Variants in PTPRT observed in about 807,000 individuals in gnomAD.
PTPRT encodes protein tyrosine phosphatase receptor type T.
PTPRT carries 56 observed loss-of-function variants against 176.8 expected under a neutral mutation model. That is an observed-to-expected ratio of 0.32 (90% confidence interval 0.26 to 0.40). The LOEUF (loss-of-function observed/expected upper bound fraction) is 0.40. Among genes scored for constraint, PTPRT ranks in the 10% least tolerant of loss-of-function variants. The pLI is 1.00. For missense variants in PTPRT, 1,540 were observed against 1,908.2 expected (o/e 0.81, Z 3.60); for synonymous variants, 783 against 739.0 (o/e 1.06, Z -0.96).
At position 42,119,311 on chromosome 20, in the gene PTPRT, C is replaced by T. The variant is rs534345739; in HGVS notation, c.2884+624G>A. Among the ~76,000 whole-genome samples the T allele has an allele frequency of 3.6e-4, 55 of 152,240 alleles. No individual in the cohort carries two copies. In the South Asian group the frequency reaches 7.7e-3, roughly 21 times the overall value. ...AGCTGCGAAGTTTTCTATAATATGGCGGTAACACACTTTATGTAACCAACG... is the reference window on the plus strand; with the variant it reads ...AGCTGCGAAGTTTTCTATAATATGGTGGTAACACACTTTATGTAACCAACG... On this transcript the variant is annotated intron_variant, in intron 20 of 30. Transcript: ENST00000373187.
intron 13 of PTPRT, among the ~76,000 whole-genome samples, chr20:42,273,638 G>A (rs550588754): frequency 2.6e-5 from 4 of 152,330 alleles, no homozygotes; most frequent in African/African-American, 9.6e-5. Context: ...AACCACTAGG[G>A]AATGTGGGAT....
At chr20:42,543,622 T>C (rs1320809163) in intron 7 of PTPRT, among the ~76,000 whole-genome samples, 1 of 151,916 alleles carries the variant, frequency 6.6e-6, no homozygotes, top group Non-Finnish European at 1.5e-5. Context: ...ATGTCCTTAA[T>C]GGCATCTAGA....
intron 11 of PTPRT, among the ~76,000 whole-genome samples, chr20:42,342,593 A>T (rs887222836): frequency 7.9e-5 from 12 of 152,234 alleles, no homozygotes; most frequent in African/African-American, 2.7e-4. Flanking sequence ...AAGGCCTCAC[A>T]AACTCCTCAG....
intron 11 of PTPRT, among the ~76,000 whole-genome samples, chr20:42,327,124 A>G (rs955226921): frequency 6.6e-6 from 1 of 151,160 alleles, no homozygotes; most frequent in African/African-American, 2.4e-5. Flanking sequence ...TGACAGAGAG[A>G]GAGAAACATA....
chr20:42,179,474 T>TA (rs955609562), intron 16 of PTPRT, among the ~76,000 whole-genome samples: 22 of 152,302 alleles, frequency 1.4e-4, no homozygotes, highest in Non-Finnish European at 2.6e-4. Flanking sequence ...TTTACGCAGA[T>TA]AAAAAATCCA....
At chr20:42,141,589 G>A (rs1477511463) in intron 18 of PTPRT, among the ~76,000 whole-genome samples, 1 of 152,150 alleles carries the variant, frequency 6.6e-6, no homozygotes, top group Non-Finnish European at 1.5e-5. Flanking sequence ...CCTTTTGGCT[G>A]GGCTTCTTCC....
intron 1 of PTPRT, among the ~76,000 whole-genome samples, chr20:43,038,881 G>A (rs1288341184): frequency 6.6e-6 from 1 of 152,024 alleles, no homozygotes; most frequent in Non-Finnish European, 1.5e-5. Context: ...CAAGAAATAT[G>A]CAAGACCTAA....
chr20:42,953,825 TTAGGGGGCTGTCCAGTGCTTTG>T (rs1981428487), intron 1 of PTPRT, among the ~76,000 whole-genome samples: 1 of 152,188 alleles, frequency 6.6e-6, no homozygotes, highest in South Asian at 2.1e-4. Flanking sequence ...TCTTCTCTGT[TTAGGGGGCTGTCCAGTGCTTTG>T]TAGGGTGCTT....
intron 1 of PTPRT, among the ~76,000 whole-genome samples, chr20:43,023,011 A>C (rs1011007217): frequency 2.6e-5 from 4 of 152,244 alleles, no homozygotes; most frequent in Non-Finnish European, 5.9e-5. Context: ...TAGCAAGGGC[A>C]GGTCCCTCCA....
chr20:42,047,032 G>A, the PTPRT span, among the ~76,000 whole-genome samples: 1 of 152,220 alleles, frequency 6.6e-6, no homozygotes, highest in East Asian at 1.9e-4. Context: ...ACTGTGCCAT[G>A]TGGATTAATT....
intron 8 of PTPRT, among the ~76,000 whole-genome samples, chr20:42,454,985 G>T (rs1026132021): frequency 1.3e-5 from 2 of 152,156 alleles, no homozygotes; most frequent in African/African-American, 4.8e-5. Context: ...GAAGTTGATG[G>T]ATGAACATCC....
chr20:42,320,855 C>T (rs1266649147), intron 11 of PTPRT, among the ~76,000 whole-genome samples: 1 of 152,164 alleles, frequency 6.6e-6, no homozygotes, highest in Non-Finnish European at 1.5e-5. Context: ...CTAAGGCACT[C>T]CTAACTTTGT....
In PTPRT at chr20:42,073,390, T is replaced by C. The variant is rs1982476196; in HGVS notation, c.*7489A>G. The stretch of plus-strand genomic sequence containing the variant: ...GAAATGTGTGCACTGGAAATGATTA[T>C]AATCATGTGTAAATTGAGTTACTGT... On this transcript the variant is annotated 3_prime_UTR_variant, in exon 31 of 31. Coordinates refer to ENST00000373187, the MANE Select transcript of PTPRT (RefSeq NM_007050.6). 3 of 192,498 alleles carry C rather than the reference T, an allele frequency of 1.6e-5. No individual in the cohort carries two copies. Among genetic ancestry groups the C allele is most frequent in the African/African-American group, 4.6e-5 (2 of 43,130 alleles). The allele number at this position is 192,498 out of a possible 1,614,324, so 11.9% of individuals were successfully genotyped here.
chr20:42,197,250 G>A (rs917376183), intron 16 of PTPRT, among the ~76,000 whole-genome samples: 2 of 151,732 alleles, frequency 1.3e-5, no homozygotes, highest in African/African-American at 4.8e-5. Context: ...GTGGTGGTGG[G>A]CACCTGTATT....
chr20:42,938,665 C>T (rs948119063), intron 1 of PTPRT, among the ~76,000 whole-genome samples: 1 of 152,156 alleles, frequency 6.6e-6, no homozygotes, highest in Non-Finnish European at 1.5e-5. Flanking sequence ...TATTTCCAGC[C>T]TAACTCCCTC....
intron 19 of PTPRT, among the ~76,000 whole-genome samples, chr20:42,126,402 T>G (rs1318787860): frequency 1.3e-5 from 2 of 152,150 alleles, no homozygotes; most frequent in Admixed American, 1.3e-4. Context: ...AGTTATATAA[T>G]CTTAAGAGAC....
chr20:42,518,163 T>C (rs936200485), intron 7 of PTPRT, among the ~76,000 whole-genome samples: 1 of 152,064 alleles, frequency 6.6e-6, no homozygotes, highest in African/African-American at 2.4e-5. Flanking sequence ...TTGACTTTTG[T>C]CGGTATATTA....
intron 9 of PTPRT, among the ~76,000 whole-genome samples, chr20:42,439,059 T>C (rs1304188367): frequency 6.6e-6 from 1 of 152,224 alleles, no homozygotes; most frequent in East Asian, 1.9e-4. Flanking sequence ...CTGAAACACC[T>C]GTCAGCTTCC....
At chr20:42,097,223 C>G (rs1267261698) in intron 27 of PTPRT, among the ~76,000 whole-genome samples, 1 of 152,234 alleles carries the variant, frequency 6.6e-6, no homozygotes, top group Non-Finnish European at 1.5e-5. Context: ...TAGCCTGGCA[C>G]AGGGACCTCT....
Sources: gnomAD v4.1 joint callset for allele counts (sites outside exome capture counted in the v4.1 genomes callset) on GRCh38, gnomAD v4.1.1 for gene constraint, MANE v1.5 for transcripts, NCBI Gene and HGNC (gene_info 2026-07-23, HGNC 2026-07-21) for gene names.